Variants in GLB1 observed in about 807,000 individuals in gnomAD.
GLB1 encodes beta-galactosidase.
A neutral mutation model predicts 74.0 loss-of-function variants in GLB1; 56 were observed. That is an observed-to-expected ratio of 0.76 (90% CI 0.61 to 0.94). The LOEUF is 0.94. Among genes scored for constraint, GLB1 ranks in the 40% least tolerant of loss-of-function variants. GLB1 has a pLI of 0.00. For synonymous variants in GLB1, 323 were observed against 323.6 expected (o/e 1.00, Z 0.02); for missense variants, 787 against 845.5 (o/e 0.93, Z 0.86).
the GLB1 span, among the ~76,000 whole-genome samples, chr3:32,974,997 G>A: frequency 2.0e-5 from 3 of 152,202 alleles, no homozygotes; most frequent in Non-Finnish European, 4.4e-5. Context: ...CCCTGCTGGA[G>A]TCTAGCCCTA....
Position 33,072,531 on chromosome 3 carries a change from C to T in GLB1, c.245+13G>A, listed in dbSNP as rs770440386. 1 of 1,612,612 alleles carries T rather than the reference C, an allele frequency of 6.2e-7. No homozygotes were observed. Among genetic ancestry groups the T allele is most frequent in the South Asian group, 1.1e-5 (1 of 91,022 alleles). On this transcript the variant is annotated intron_variant, in intron 2 of 15. Coordinates refer to ENST00000307363, the MANE Select transcript of GLB1 (RefSeq NM_000404.4). ...TTCAGGCCTAGGTGAGAGCCACATG[C>T]CCTCCTACTTACGTCTGGATGGCGT...
intron 5 of GLB1, among the ~76,000 whole-genome samples, chr3:33,063,495 G>C (rs907341347): frequency 6.6e-6 from 1 of 152,154 alleles, no homozygotes; most frequent in Non-Finnish European, 1.5e-5. Context: ...AGTCATCTGA[G>C]GTTGCTAGGG....
intron 6 of GLB1, among the ~76,000 whole-genome samples, chr3:33,056,385 C>A (rs1699223570): frequency 6.6e-6 from 1 of 151,728 alleles, no homozygotes; most frequent in Non-Finnish European, 1.5e-5. Context: ...CTTTATGCTA[C>A]TCAAGGAACT....
At chr3:33,079,641 G>A (rs1208135171) in intron 1 of GLB1, among the ~76,000 whole-genome samples, 3 of 152,160 alleles carry the variant, frequency 2.0e-5, no homozygotes, top group Non-Finnish European at 4.4e-5. Context: ...ATGCATGTTT[G>A]TATATATACA....
chr3:33,050,616 G>A (rs1311920430), intron 9 of GLB1, among the ~76,000 whole-genome samples: 2 of 152,172 alleles, frequency 1.3e-5, no homozygotes, highest in African/African-American at 4.8e-5. Flanking sequence ...TTATTTCCAG[G>A]GGCTGAGAGG....
At chr3:32,983,506 C>T in the GLB1 span, among the ~76,000 whole-genome samples, 2 of 152,192 alleles carry the variant, frequency 1.3e-5, no homozygotes, top group South Asian at 4.1e-4. Flanking sequence ...TAGATATTTT[C>T]AAGGTTGTTT....
rs535115488 is a variant in GLB1, at chr3:33,004,040, A to G, written c.1735-6696T>C. Among the ~76,000 whole-genome samples the G allele has an allele frequency of 5.5e-4, 83 of 151,864 alleles. No homozygotes were observed. The South Asian group carries it at 6.7e-3, about 12-fold the overall frequency. ...GTGAGACTCCATTTCAAAAAAAAAA[A>G]GGGGTAGAACATGTTTCTCCATTCC... On this transcript the variant is annotated intron_variant, in intron 15 of 15. Coordinates refer to ENST00000307363, the MANE Select transcript of GLB1 (RefSeq NM_000404.4).
At chr3:33,063,836 G>A (rs2125540926) in intron 5 of GLB1, among the ~76,000 whole-genome samples, 1 of 152,158 alleles carries the variant, frequency 6.6e-6, no homozygotes, top group South Asian at 2.1e-4. Flanking sequence ...GGGGCACGTG[G>A]GGTGACTCAC....
intron 14 of GLB1, among the ~76,000 whole-genome samples, chr3:33,016,211 T>G (rs904887629): frequency 1.3e-5 from 2 of 152,188 alleles, no homozygotes; most frequent in African/African-American, 4.8e-5. Context: ...GGTGGTCTTT[T>G]AAAGCAGAGG....
At chr3:33,084,612 C>T (rs185380378) in intron 1 of GLB1, among the ~76,000 whole-genome samples, 11 of 152,246 alleles carry the variant, frequency 7.2e-5, no homozygotes, top group Admixed American at 4.6e-4. Context: ...AGAGGAGAAG[C>T]GAGCACAGCT....
At chr3:33,073,968 G>A (rs1435058033) in intron 1 of GLB1, among the ~76,000 whole-genome samples, 1 of 147,134 alleles carries the variant, frequency 6.8e-6, no homozygotes, top group Non-Finnish European at 1.5e-5. Flanking sequence ...AGAGTGCAGT[G>A]AACCGTGTTC....
chr3:33,081,663 G>A (rs1700328463), intron 1 of GLB1, among the ~76,000 whole-genome samples: 2 of 152,204 alleles, frequency 1.3e-5, no homozygotes, highest in Admixed American at 1.3e-4. Flanking sequence ...GGATGATGAG[G>A]TTCTGGCATA....
chr3:32,988,659 T>C, the GLB1 span, among the ~76,000 whole-genome samples: 1 of 152,208 alleles, frequency 6.6e-6, no homozygotes, highest in Non-Finnish European at 1.5e-5. Context: ...CAGAATTCCA[T>C]CTTTTACCAG....
At chr3:32,986,944 T>C in the GLB1 span, among the ~76,000 whole-genome samples, 1 of 152,350 alleles carries the variant, frequency 6.6e-6, no homozygotes, top group South Asian at 2.1e-4. Context: ...GACCAACTAT[T>C]GCTCATCACT....
intron 1 of GLB1, among the ~76,000 whole-genome samples, chr3:33,086,267 G>A (rs185476079): frequency 3.5e-4 from 53 of 151,740 alleles, no homozygotes; most frequent in African/African-American, 1.1e-3. Flanking sequence ...AGGTTGCTGT[G>A]GTATCAGATC....
intron 15 of GLB1, among the ~76,000 whole-genome samples, chr3:33,013,843 G>A (rs949848167): frequency 1.3e-5 from 2 of 152,078 alleles, no homozygotes; most frequent in African/African-American, 4.8e-5. Flanking sequence ...TTCACTACAG[G>A]AAGCCAATGA....
intron 9 of GLB1, among the ~76,000 whole-genome samples, chr3:33,049,187 C>A (rs1017236320): frequency 6.6e-6 from 1 of 152,044 alleles, no homozygotes; most frequent in Admixed American, 6.6e-5. Context: ...AGGGGGAATC[C>A]CCATCTACTA....
At chr3:32,965,626 T>C in the GLB1 span, among the ~76,000 whole-genome samples, 1 of 152,200 alleles carries the variant, frequency 6.6e-6, no homozygotes, top group East Asian at 1.9e-4. Context: ...TGCAGAAATT[T>C]GCTAAGTAAC....
At chr3:32,994,946 T>G (rs1253676418), downstream of GLB1, among the ~76,000 whole-genome samples, 1 of 148,716 alleles carries the variant, frequency 6.7e-6, no homozygotes, top group Non-Finnish European at 1.5e-5. Context: ...AAAAAAAGAT[T>G]CTGTTTTCCA....
Sources: allele counts gnomAD v4.1 joint callset (sites outside exome capture counted in the v4.1 genomes callset), GRCh38; gene constraint gnomAD v4.1.1; transcripts MANE v1.5; gene names NCBI Gene and HGNC (gene_info 2026-07-23, HGNC 2026-07-21).